PCDH9: variants seen among roughly 807,000 people sequenced by gnomAD.
PCDH9 encodes the protein protocadherin-9.
In PCDH9, 24 loss-of-function variants were observed where a neutral mutation model predicts 70.6. The ratio of observed to expected loss-of-function variants is 0.34; its 90% CI spans 0.25 to 0.48. The LOEUF (loss-of-function observed/expected upper bound fraction) is 0.48, where lower values mean the gene tolerates loss of function less well. Ranked by LOEUF, PCDH9 falls within the 20% of genes least tolerant of loss-of-function variation. The pLI is 0.99. For synonymous variants in PCDH9, 562 were observed against 558.5 expected (o/e 1.01, Z -0.09); for missense variants, 1,281 against 1,503.6 (o/e 0.85, Z 2.45).
At chr13:66,454,910 A>AAAATTATC (rs1320975741) in intron 4 of PCDH9, among the ~76,000 whole-genome samples, 1 of 152,180 alleles carries the variant, frequency 6.6e-6, no homozygotes, top group Non-Finnish European at 1.5e-5. Flanking sequence ...ACACCTGGCA[A>AAAATTATC]AAATTATCAA....
chr13:66,392,981 T>TA (rs1348328873), intron 4 of PCDH9, among the ~76,000 whole-genome samples: 1 of 152,100 alleles, frequency 6.6e-6, no homozygotes, highest in Non-Finnish European at 1.5e-5. Flanking sequence ...TGATAGCTTT[T>TA]AAAATCTTGC....
At chr13:67,213,528 T>A (rs911026766) in intron 2 of PCDH9, 1 of 152,100 alleles carries the variant, frequency 6.6e-6, no homozygotes, top group Admixed American at 6.6e-5. Flanking sequence ...TATGCCATGC[T>A]ACAATCCTTG....
intron 3 of PCDH9, among the ~76,000 whole-genome samples, chr13:66,696,563 CA>C (rs1277050326): frequency 6.6e-6 from 1 of 152,120 alleles, no homozygotes; most frequent in African/African-American, 2.4e-5. Flanking sequence ...TATGTCCACA[CA>C]AACCATCACT....
chr13:66,344,136 T>G (rs868144845), intron 4 of PCDH9, among the ~76,000 whole-genome samples: 31 of 151,860 alleles, frequency 2.0e-4, no homozygotes, highest in African/African-American at 6.0e-4. Flanking sequence ...AGTTTTGGGG[T>G]TTTTTTTGTT....
chr13:66,725,278 T>C (rs1038235143), intron 3 of PCDH9, among the ~76,000 whole-genome samples: 7 of 152,204 alleles, frequency 4.6e-5, no homozygotes, highest in Admixed American at 3.3e-4. Flanking sequence ...ACTTGGTTGA[T>C]TGTCCAAGCT....
intron 4 of PCDH9, among the ~76,000 whole-genome samples, chr13:66,307,635 T>A (rs1955491150): frequency 1.3e-5 from 2 of 152,096 alleles, no homozygotes; most frequent in African/African-American, 4.8e-5. Context: ...TCCAGCGTCA[T>A]TAATAAGTTT....
chr13:66,590,725 C>T (rs927064492), intron 4 of PCDH9, among the ~76,000 whole-genome samples: 2 of 151,812 alleles, frequency 1.3e-5, no homozygotes, highest in African/African-American at 2.4e-5. Context: ...ATTCACTTTT[C>T]TAGCTCACAC....
chr13:66,596,235 A>C (rs941082905), intron 4 of PCDH9, among the ~76,000 whole-genome samples: 11 of 151,660 alleles, frequency 7.3e-5, no homozygotes, highest in Admixed American at 3.3e-4. Context: ...TGTTTTGTCC[A>C]GACAGAGAAA....
intron 2 of PCDH9, among the ~76,000 whole-genome samples, chr13:67,114,992 CTT>C (rs1229311419): frequency 5.9e-5 from 9 of 152,056 alleles, no homozygotes; most frequent in Non-Finnish European, 1.3e-4. Flanking sequence ...ATTGTTATCT[CTT>C]TGTCTTTGTC....
At position 66,949,815 on chromosome 13, in the gene PCDH9, T is replaced by C. The variant is rs914829825; in HGVS notation, c.3037-46210A>G. On this transcript the variant is annotated intron_variant, in intron 2 of 4. Coordinates refer to ENST00000377865, the MANE Select transcript of PCDH9 (RefSeq NM_203487.3). ...GAGAAGACCCTGAAATAGGAACTTCTATATTTTACAATTTGCCTGATTCCA... is the reference window on the plus strand; with the variant it reads ...GAGAAGACCCTGAAATAGGAACTTCCATATTTTACAATTTGCCTGATTCCA... 2.6e-5 allele frequency among the ~76,000 whole-genome samples: 4 copies of C among 152,248 alleles called. No individual in the cohort carries two copies. The East Asian group carries it at 5.8e-4, about 22-fold the overall frequency.
chr13:66,730,681 CTT>C (rs200246747), intron 3 of PCDH9, among the ~76,000 whole-genome samples: 39 of 138,222 alleles, frequency 2.8e-4, no homozygotes, highest in Admixed American at 2.9e-4. Flanking sequence ...TATATATTTC[CTT>C]TTTTTTTTTT....
intron 4 of PCDH9, among the ~76,000 whole-genome samples, chr13:66,453,755 T>TGA (rs1324541831): frequency 2.6e-5 from 4 of 152,292 alleles, no homozygotes; most frequent in East Asian, 3.9e-4. Context: ...AGGACATCAA[T>TGA]GGATTCTACA....
chr13:67,203,263 A>G (rs968216043), intron 2 of PCDH9: 1 of 152,136 alleles, frequency 6.6e-6, no homozygotes, highest in African/African-American at 2.4e-5. Context: ...TGAAAGCTTA[A>G]AGACAATCAT....
At chr13:66,597,431 T>C (rs1252936773) in intron 4 of PCDH9, among the ~76,000 whole-genome samples, 1 of 151,716 alleles carries the variant, frequency 6.6e-6, no homozygotes, top group African/African-American at 2.4e-5. Context: ...AACTCACGTA[T>C]ATACAGTCAA....
intron 4 of PCDH9, among the ~76,000 whole-genome samples, chr13:66,625,799 T>G (rs1236120029): frequency 6.6e-6 from 1 of 152,060 alleles, no homozygotes; most frequent in Non-Finnish European, 1.5e-5. Flanking sequence ...TAGCTGGGAT[T>G]ACAGGCACGC....
At chr13:66,447,778 C>T (rs1013703831) in intron 4 of PCDH9, among the ~76,000 whole-genome samples, 6 of 151,928 alleles carry the variant, frequency 3.9e-5, no homozygotes, top group African/African-American at 1.5e-4. Context: ...GGTGGGTATT[C>T]AACGAATTAA....
intron 4 of PCDH9, among the ~76,000 whole-genome samples, chr13:66,339,042 C>T (rs1454848706): frequency 1.3e-5 from 2 of 151,988 alleles, no homozygotes; most frequent in Non-Finnish European, 2.9e-5. Context: ...TTACCAAAAA[C>T]ATGCACATCC....
At chr13:67,058,131 G>A (rs1169244188) in intron 2 of PCDH9, among the ~76,000 whole-genome samples, 1 of 152,036 alleles carries the variant, frequency 6.6e-6, no homozygotes, top group African/African-American at 2.4e-5. Context: ...AAGAATGTTT[G>A]CTATGTTATT....
intron 4 of PCDH9, among the ~76,000 whole-genome samples, chr13:66,622,249 G>A (rs1202435208): frequency 1.3e-5 from 2 of 152,172 alleles, no homozygotes; most frequent in Non-Finnish European, 2.9e-5. Context: ...GGGCTCCTGT[G>A]CGGCCGAGGA....
Sources: allele counts gnomAD v4.1 joint callset (sites outside exome capture counted in the v4.1 genomes callset), GRCh38; gene constraint gnomAD v4.1.1; transcripts MANE v1.5; gene names NCBI Gene and HGNC (gene_info 2026-07-23, HGNC 2026-07-21).